ATM: variants seen among roughly 807,000 people sequenced by gnomAD.
ATM encodes the protein ATM serine/threonine kinase, also known as serine-protein kinase ATM.
In ATM, 308 loss-of-function variants were observed where a neutral mutation model predicts 387.0. That is an observed-to-expected ratio of 0.80 (90% CI 0.73 to 0.87). The LOEUF (loss-of-function observed/expected upper bound fraction) is 0.87, where lower values mean the gene tolerates loss of function less well. ATM is among the 40% of genes least tolerant of loss of function. The pLI, the probability that ATM is intolerant of heterozygous loss-of-function variation, is 0.00. For missense variants in ATM, 3,312 were observed against 3,560.9 expected, an observed-to-expected ratio of 0.93 and a Z score of 1.78; for synonymous variants, 1,156 against 1,187.3, an observed-to-expected ratio of 0.97 and a Z score of 0.54.
intron 52 of ATM, 107 bp from the exon 53 acceptor site, chr11:108,332,655 T>C: frequency 8.5e-7 from 1 of 1,177,846 alleles, no homozygotes; most frequent in East Asian, 2.5e-5. Context: ...ATCATTCCAT[T>C]GTCTAGATTT....
chr11:108,233,142 G>GT (rs2079102855), intron 4 of ATM, among the ~76,000 whole-genome samples: 1 of 152,182 alleles, frequency 6.6e-6, no homozygotes, highest in South Asian at 2.1e-4. Flanking sequence ...GTTTATAGGC[G>GT]TGAGCCACTG....
intron 16 of ATM, among the ~76,000 whole-genome samples, chr11:108,265,564 T>C (rs1349334029): frequency 2.0e-5 from 3 of 150,494 alleles, no homozygotes; most frequent in East Asian, 3.9e-4. Flanking sequence ...ATTCAGGACA[T>C]AGGCATGGGC....
rs879675361 is a variant in ATM, at chr11:108,346,499, GT to G, written c.8584+605del. On this transcript the variant is annotated intron_variant, in intron 58 of 62. Transcript: ENST00000675843. Reference sequence around the variant, plus strand: ...TTAGAGATCATCTAATCTATTTGTTGTTTTTTTTTTTTTTAACTAAAGACAA... The same window carrying G: ...TTAGAGATCATCTAATCTATTTGTTGTTTTTTTTTTTTTAACTAAAGACAA... 601 of 134,834 alleles carry G rather than the reference GT, an allele frequency of 4.5e-3. 1 individual carries two copies. Among genetic ancestry groups the G allele is most frequent in the Middle Eastern group, 7.9e-3 (2 of 254 alleles). The allele number at this position is 134,834 out of a possible 1,614,324, so 8.4% of individuals were successfully genotyped here.
Position 108,235,816 on chromosome 11 carries a change from T to C in ATM, c.478T>C (p.Ser160Pro), listed in dbSNP as rs761170769. 6 of 1,613,824 alleles carry C rather than the reference T, an allele frequency of 3.7e-6. No individual in the cohort carries two copies. The highest frequency in any genetic ancestry group is 5.1e-6 in the Non-Finnish European group (6 of 1,179,844). ...TGTGAGAAAATACTGGTGTGAAATATCTCAGCAACAGTGGTTAGGTATGTT... is the reference window on the plus strand; with the variant it reads ...TGTGAGAAAATACTGGTGTGAAATACCTCAGCAACAGTGGTTAGGTATGTT... Reference protein sequence around the residue: ...LSVRKYWCEISQQQWLELFSV... With the variant: ...LSVRKYWCEIPQQQWLELFSV... Residue 160 changes from serine (S) to proline (P), a missense_variant, in exon 5 of 63, where the codon TCT becomes CCT. Coordinates refer to ENST00000675843, the MANE Select transcript of ATM (RefSeq NM_000051.4).
intron 26 of ATM, among the ~76,000 whole-genome samples, chr11:108,286,959 T>C (rs909023082): frequency 1.3e-5 from 2 of 152,200 alleles, no homozygotes; most frequent in Non-Finnish European, 2.9e-5. Flanking sequence ...AGCAGACTTA[T>C]TCTTTATATT....
rs2135039242 is a variant in ATM, at chr11:108,229,337, T to C, written c.331+14T>C. On this transcript the variant is annotated intron_variant, in intron 4 of 62. Coordinates refer to ENST00000675843, the MANE Select transcript of ATM (RefSeq NM_000051.4). ...GTGCAAACAGAAGTAAGTGATGTTA[T>C]AAATTATAAATAAATGGCTTAACAG... 1 of 1,605,476 alleles carries C rather than the reference T, an allele frequency of 6.2e-7. No individual in the cohort carries two copies. Among genetic ancestry groups the C allele is most frequent in the Non-Finnish European group, 8.5e-7 (1 of 1,175,730 alleles).
In ATM at chr11:108,309,247, T is replaced by C. The variant is rs184337609; in HGVS notation, c.5763-913T>C. On this transcript the variant is annotated intron_variant, in intron 38 of 62. Coordinates refer to ENST00000675843, the MANE Select transcript of ATM (RefSeq NM_000051.4). ...TTGCTGTCTTTGAACCTCAGTCTTA[T>C]CATCTTTCAAAATCAGAATAATGTC... Among the ~76,000 whole-genome samples, 101 of 152,364 alleles carry C rather than the reference T, an allele frequency of 6.6e-4. No individual in the cohort carries two copies. The Middle Eastern group carries it at 0.02, about 31-fold the overall frequency.
chr11:108,247,229 A>T (rs370758388), intron 8 of ATM, 102 bp downstream of exon 8: 9 of 1,110,512 alleles, frequency 8.1e-6, no homozygotes, highest in Non-Finnish European at 1.1e-5. Flanking sequence ...CAAAAAGCCT[A>T]TAAAATGACT....
chr11:108,294,206 A>G (rs569304973), intron 31 of ATM, among the ~76,000 whole-genome samples: 8 of 152,218 alleles, frequency 5.3e-5, no homozygotes, highest in East Asian at 1.9e-4. Context: ...TTTTGAAAGC[A>G]TATTTTAAGT....
chr11:108,251,156 A>G (rs1336966631), intron 10 of ATM, 84 bp downstream of exon 10: 3 of 1,575,692 alleles, frequency 1.9e-6, no homozygotes, highest in Non-Finnish European at 2.6e-6. Flanking sequence ...TCATTTTCAT[A>G]GTTTGTTACT....
At chr11:108,284,506 C>T (rs2135710891) in intron 26 of ATM, 33 bp downstream of exon 26, 2 of 1,608,840 alleles carry the variant, frequency 1.2e-6, no homozygotes, top group Non-Finnish European at 1.7e-6. Context: ...CTTTTCATTC[C>T]CTGAATGATA....
intron 4 of ATM, among the ~76,000 whole-genome samples, chr11:108,232,866 C>G (rs1224753111): frequency 7.3e-6 from 1 of 136,884 alleles, no homozygotes; most frequent in Admixed American, 7.3e-5. Context: ...CATTTCTTTT[C>G]TTTTTTTTTT....
At position 108,250,726 on chromosome 11, in the gene ATM, T is replaced by C. The variant is rs376196220; in HGVS notation, c.1261T>C (p.Ser421Pro). 2 of 1,604,536 alleles carry C rather than the reference T, an allele frequency of 1.2e-6. No individual in the cohort carries two copies. Among genetic ancestry groups the C allele is most frequent in the African/African-American group, 2.7e-5 (2 of 74,384 alleles). Reference protein sequence around the residue: ...PWLQIATQLISKYPASLPNCE... With the variant: ...PWLQIATQLIPKYPASLPNCE... ...GCTACAGATTGCAACCCAATTAATA[T>C]CAAAGTATCCTGCAAGTTTACCTAA... Residue 421 changes from serine (S) to proline (P), a missense_variant, in exon 10 of 63, where the codon TCA becomes CCA. Physicochemically the swap from Ser to Pro is moderately conservative, Grantham distance 74. Transcript: ENST00000675843.
chr11:108,232,700 C>A (rs1381198008), intron 4 of ATM, among the ~76,000 whole-genome samples: 1 of 150,530 alleles, frequency 6.6e-6, no homozygotes, highest in African/African-American at 2.4e-5. Flanking sequence ...CCGCCAGGCC[C>A]GGTTAATTTT....
Position 108,350,314 on chromosome 11 carries a change from T to C in ATM, c.8671+2949T>C, listed in dbSNP as rs570510441. Among the ~76,000 whole-genome samples the C allele has an allele frequency of 6.6e-5, 10 of 152,284 alleles. No individual in the cohort carries two copies. In the South Asian group the frequency reaches 1.2e-3, roughly 19 times the overall value. Reference sequence around the variant, plus strand: ...GCACTGATGAGAGTAATCAAACTTATTGTCTCTACCCCTGGGCTGAGTTAG... The same window carrying C: ...GCACTGATGAGAGTAATCAAACTTACTGTCTCTACCCCTGGGCTGAGTTAG... On this transcript the variant is annotated intron_variant, in intron 59 of 62. Coordinates refer to ENST00000675843, the MANE Select transcript of ATM (RefSeq NM_000051.4).
Position 108,268,600 on chromosome 11 carries a change from C to A in ATM, c.2829C>A (p.His943Gln), listed in dbSNP as rs1485943190. Residue 943 changes from histidine to glutamine, a missense_variant, in exon 18 of 63, where the codon CAC becomes CAA. Coordinates refer to ENST00000675843, the MANE Select transcript of ATM (RefSeq NM_000051.4). ...SSTLEPTKSLHLHMYLMLLKE... is the reference protein window; with the variant it reads ...SSTLEPTKSLQLHMYLMLLKE... ...CGCTAGAACCTACCAAATCCCTCCA[C>A]CTGCATATGGTGAGTTACGTTAAAT... 2 of 1,613,728 alleles carry A rather than the reference C, an allele frequency of 1.2e-6. No individual in the cohort carries two copies. The highest frequency in any genetic ancestry group is 2.7e-5 in the African/African-American group (2 of 74,908).
chr11:108,303,640 A>G (rs577975287), intron 36 of ATM, among the ~76,000 whole-genome samples: 1 of 152,262 alleles, frequency 6.6e-6, no homozygotes, highest in East Asian at 1.9e-4. Context: ...ACTGATAGAG[A>G]AGTATTTTCG....
intron 61 of ATM, among the ~76,000 whole-genome samples, chr11:108,358,211 T>C (rs1263445564): frequency 6.6e-6 from 1 of 150,802 alleles, no homozygotes; most frequent in Admixed American, 6.6e-5. Flanking sequence ...GAAGATGAAA[T>C]GAATGAAATG....
chr11:108,271,312 C>G lies in ATM; in HGVS notation c.2983C>G (p.Leu995Val), dbSNP rs587779831. The change falls in exon 20 of 63, where the codon CTT becomes GTT. Residue 995 changes from leucine to valine, a missense_variant. Coordinates refer to ENST00000675843, the MANE Select transcript of ATM (RefSeq NM_000051.4). ...TTGTAAAACTATTTTAAACCATGTC[C>G]TTCATGTAGTGAAAAACCTAGGTCA... ...DVCKTILNHV[L>V]HVVKNLGQSN... 1.2e-6 allele frequency: 2 copies of G among 1,613,394 alleles called. No individual in the cohort carries two copies. The highest frequency in any genetic ancestry group is 1.7e-6 in the Non-Finnish European group (2 of 1,179,948).
Sources: allele counts gnomAD v4.1 joint callset (sites outside exome capture counted in the v4.1 genomes callset), GRCh38; gene constraint gnomAD v4.1.1; transcripts MANE v1.5; gene names NCBI Gene and HGNC (gene_info 2026-07-23, HGNC 2026-07-21).